Variants in RYR2 observed in about 807,000 individuals in gnomAD.
RYR2 encodes the protein cardiac muscle ryanodine receptor-calcium release channel.
Under a neutral mutation model 601.1 loss-of-function variants are expected in RYR2, and 227 were observed. The observed-to-expected ratio is 0.38, with a 90% CI of 0.34 to 0.42. The LOEUF (loss-of-function observed/expected upper bound fraction) is 0.42. Ranked by LOEUF, RYR2 falls within the 10% of genes least tolerant of loss-of-function variation. RYR2 has a pLI of 1.00. For missense variants in RYR2, 4,646 were observed against 6,156.5 expected (o/e 0.75, Z 8.21); for synonymous variants, 2,223 against 2,175.1 (o/e 1.02, Z -0.61).
intron 10 of RYR2, among the ~76,000 whole-genome samples, chr1:237,393,863 C>T (rs530045294): frequency 6.6e-6 from 1 of 152,316 alleles, no homozygotes; most frequent in South Asian, 2.1e-4. Context: ...TCTAGAGCCG[C>T]ACTCTCAAGG....
rs754990305 is a variant in RYR2, at chr1:237,639,149, G to A, written c.7063G>A (p.Glu2355Lys). The A allele has an allele frequency of 2.0e-5, 33 of 1,613,732 alleles. No individual in the cohort carries two copies. The highest frequency in any genetic ancestry group is 3.3e-5 in the Admixed American group (2 of 59,982). The change falls in exon 46 of 105, where the codon GAG becomes AAG. Residue 2355 changes from glutamate (E) to lysine (K), a missense_variant. Coordinates refer to ENST00000366574, the MANE Select transcript of RYR2 (RefSeq NM_001035.3). ...AAMEEAIKIAEDPSRDGPSPN... is the reference protein window; with the variant it reads ...AAMEEAIKIAKDPSRDGPSPN... The stretch of plus-strand genomic sequence containing the variant: ...AATGGAAGAAGCCATCAAAATCGCC[G>A]AGGATCCTTCCCGAGATGGTCCCTC...
intron 1 of RYR2, among the ~76,000 whole-genome samples, chr1:237,101,555 G>A (rs1290264162): frequency 1.3e-5 from 2 of 152,154 alleles, no homozygotes; most frequent in Non-Finnish European, 2.9e-5. Context: ...TCTTACAAGA[G>A]CAAGAGCTCT....
intron 1 of RYR2, among the ~76,000 whole-genome samples, chr1:237,268,935 C>CAAAA (rs1160004017): frequency 0.2 from 3,199 of 16,184 alleles, 621 homozygotes; most frequent in East Asian, 0.55. Context: ...ACTCTTGTCT[C>CAAAA]AAAAAAAAAA....
chr1:237,206,554 A>G (rs1236316548), intron 1 of RYR2, among the ~76,000 whole-genome samples: 4 of 152,242 alleles, frequency 2.6e-5, no homozygotes, highest in Non-Finnish European at 5.9e-5. Flanking sequence ...CCCTATACAT[A>G]TAATACTAAA....
intron 4 of RYR2, 129 bp downstream of exon 4, chr1:237,356,114 A>G (rs1699273056): frequency 2.6e-6 from 2 of 776,852 alleles, no homozygotes. Flanking sequence ...GCTTCGTTGT[A>G]ATGAACACAT....
At chr1:237,514,089 TC>T (rs764473401) in intron 24 of RYR2, among the ~76,000 whole-genome samples, 2 of 152,240 alleles carry the variant, frequency 1.3e-5, no homozygotes, top group East Asian at 3.8e-4. Flanking sequence ...TCTCTGATCT[TC>T]CTTTGCGCTC....
chr1:237,630,017 G>A (rs945269867), intron 41 of RYR2, among the ~76,000 whole-genome samples: 9 of 152,172 alleles, frequency 5.9e-5, no homozygotes, highest in East Asian at 5.8e-4. Flanking sequence ...AATCTAACCC[G>A]AGGAAGCCTC....
chr1:237,642,174 T>C (rs1444363276), intron 47 of RYR2, among the ~76,000 whole-genome samples: 3 of 152,212 alleles, frequency 2.0e-5, no homozygotes, highest in Non-Finnish European at 4.4e-5. Context: ...ACCCTTATTA[T>C]CTATATTTCT....
chr1:237,115,524 G>A (rs150746126), intron 1 of RYR2, among the ~76,000 whole-genome samples: 1,610 of 152,276 alleles, frequency 0.011, 33 homozygotes, highest in African/African-American at 0.037. Flanking sequence ...TTTTTTAAGA[G>A]AGTGTGATGG....
At chr1:237,750,780 G>T (rs1692477246) in intron 80 of RYR2, among the ~76,000 whole-genome samples, 1 of 152,122 alleles carries the variant, frequency 6.6e-6, no homozygotes, top group Non-Finnish European at 1.5e-5. Flanking sequence ...GCTACCTGAA[G>T]ATGGATTAGC....
intron 2 of RYR2, among the ~76,000 whole-genome samples, chr1:237,289,150 TAG>T (rs1491147249): frequency 1.3e-5 from 2 of 152,172 alleles, no homozygotes; most frequent in Non-Finnish European, 2.9e-5. Context: ...CTCACAGTTT[TAG>T]GGGGGTCTCC....
rs1193237567 is a variant in RYR2, at chr1:237,718,245, C to T, written c.10495-217C>T. On this transcript the variant is annotated intron_variant, in intron 72 of 104. Coordinates refer to ENST00000366574, the MANE Select transcript of RYR2 (RefSeq NM_001035.3). ...ACTTGATTCCATTGAATTTCAATGTCCTTACTGTGGAGGTAAAGCAGGTCA... is the reference window on the plus strand; with the variant it reads ...ACTTGATTCCATTGAATTTCAATGTTCTTACTGTGGAGGTAAAGCAGGTCA... Among the ~76,000 whole-genome samples, 5 of 152,178 alleles carry T rather than the reference C, an allele frequency of 3.3e-5. No homozygotes were observed. In the South Asian group the frequency reaches 8.3e-4, roughly 25 times the overall value.
At chr1:237,467,062 C>T (rs1660160644) in intron 16 of RYR2, among the ~76,000 whole-genome samples, 1 of 150,200 alleles carries the variant, frequency 6.7e-6, no homozygotes, top group Non-Finnish European at 1.5e-5. Context: ...TTCATTCTTA[C>T]ACTATTAATT....
At chr1:237,668,000 T>C in intron 58 of RYR2, 42 bp downstream of exon 58, 2 of 1,471,824 alleles carry the variant, frequency 1.4e-6, no homozygotes, top group South Asian at 2.5e-5. Flanking sequence ...TAATCTGAGC[T>C]CAATTCCATG....
chr1:237,124,764 GC>G (rs112947466), intron 1 of RYR2, among the ~76,000 whole-genome samples: 10 of 152,200 alleles, frequency 6.6e-5, no homozygotes, highest in Admixed American at 2.0e-4. Context: ...TATGATGTGG[GC>G]CCTTTTTTTT....
intron 3 of RYR2, among the ~76,000 whole-genome samples, chr1:237,348,126 C>G (rs1188633876): frequency 6.6e-6 from 1 of 152,086 alleles, no homozygotes; most frequent in East Asian, 1.9e-4. Flanking sequence ...GAGGCTTTCC[C>G]CTTGAGGTAT....
chr1:237,058,384 T>G (rs936732786), intron 1 of RYR2, among the ~76,000 whole-genome samples: 2 of 152,224 alleles, frequency 1.3e-5, no homozygotes, highest in Non-Finnish European at 2.9e-5. Flanking sequence ...TCCACATTTT[T>G]GTGTAATTGG....
At chr1:237,198,671 A>G (rs1347432776) in intron 1 of RYR2, among the ~76,000 whole-genome samples, 1 of 152,114 alleles carries the variant, frequency 6.6e-6, no homozygotes, top group Non-Finnish European at 1.5e-5. Flanking sequence ...TAGAGAGACT[A>G]TAGTAAGTGG....
intron 96 of RYR2, among the ~76,000 whole-genome samples, chr1:237,797,004 G>A (rs935138330): frequency 6.6e-6 from 1 of 151,832 alleles, no homozygotes; most frequent in Non-Finnish European, 1.5e-5. Flanking sequence ...AAGCTGTCTC[G>A]AACTCCTGAC....
Sources: allele counts gnomAD v4.1 joint callset (sites outside exome capture counted in the v4.1 genomes callset), GRCh38; gene constraint gnomAD v4.1.1; transcripts MANE v1.5; gene names NCBI Gene and HGNC (gene_info 2026-07-23, HGNC 2026-07-21).